Variants in THADA observed in about 807,000 individuals in gnomAD.
THADA encodes tRNA (32-2'-O)-methyltransferase regulator THADA.
A neutral mutation model predicts 219.8 loss-of-function variants in THADA; 213 were observed. The ratio of observed to expected loss-of-function variants is 0.97; its 90% confidence interval spans 0.87 to 1.09. THADA has a LOEUF of 1.09. Ranked by LOEUF, THADA falls within the 50% of genes least tolerant of loss-of-function variation. The pLI is 0.00. For synonymous variants in THADA, 1,018 were observed against 828.9 expected, an observed-to-expected ratio of 1.23 and a Z score of -3.92; for missense variants, 2,956 against 2,311.3, an observed-to-expected ratio of 1.28 and a Z score of -5.72.
At chr2:43,497,344 T>C (rs746183148) in intron 25 of THADA, among the ~76,000 whole-genome samples, 34 of 152,218 alleles carry the variant, frequency 2.2e-4, no homozygotes, top group Non-Finnish European at 4.7e-4. Context: ...CACCATGGAA[T>C]ACTATTCAGC....
Position 43,289,943 on chromosome 2 carries a change from C to T in THADA, c.5010+1753G>A, listed in dbSNP as rs529439463. ...TGCTAGGATTACAGGTGTGAGCTAC[C>T]GTGCCCGGCCCTGGTGTTTTTTTTT... On this transcript the variant is annotated intron_variant, in intron 34 of 37. Coordinates refer to ENST00000405975, the MANE Select transcript of THADA (RefSeq NM_022065.5). 2.4e-3 allele frequency among the ~76,000 whole-genome samples: 355 copies of T among 150,368 alleles called. No individual in the cohort carries two copies. In the Middle Eastern group the frequency reaches 0.025, roughly 11 times the overall value.
intron 26 of THADA, among the ~76,000 whole-genome samples, chr2:43,470,009 G>A (rs2104958132): frequency 6.6e-6 from 1 of 152,120 alleles, no homozygotes; most frequent in East Asian, 1.9e-4. Flanking sequence ...TCAGGAGTTT[G>A]AGGCCAGCAT....
At chr2:43,566,526 C>G (rs1201972895) in intron 15 of THADA, 172 bp downstream of exon 15, 4 of 782,328 alleles carry the variant, frequency 5.1e-6, no homozygotes, top group Non-Finnish European at 9.0e-6. Flanking sequence ...TAGTTTCTTC[C>G]TCTTCTGTCC....
At chr2:43,286,859 A>G (rs531002814) in intron 35 of THADA, 49 bp downstream of exon 35, 1 of 1,580,692 alleles carries the variant, frequency 6.3e-7, no homozygotes, top group South Asian at 1.1e-5. Flanking sequence ...ATATCTATTC[A>G]TATTTTAAGT....
At chr2:43,556,253 C>A in intron 17 of THADA, 92 bp downstream of exon 17, 1 of 1,525,818 alleles carries the variant, frequency 6.6e-7, no homozygotes, top group Non-Finnish European at 8.8e-7. Flanking sequence ...AATAAAAAAC[C>A]ACAAAATATA....
intron 36 of THADA, among the ~76,000 whole-genome samples, chr2:43,261,216 CTTTTTTT>C (rs1181680289): frequency 0.037 from 2,876 of 77,146 alleles, 37 homozygotes; most frequent in African/African-American, 0.081. Flanking sequence ...TTGTGCATTT[CTTTTTTT>C]TTTTTTTTTT....
At chr2:43,293,469 C>G (rs1056748792) in intron 31 of THADA, among the ~76,000 whole-genome samples, 1 of 152,042 alleles carries the variant, frequency 6.6e-6, no homozygotes, top group Non-Finnish European at 1.5e-5. Context: ...CCTGGCACCC[C>G]TCCTCAACAT....
chr2:43,411,366 A>G (rs1676284503), intron 28 of THADA, among the ~76,000 whole-genome samples: 1 of 152,214 alleles, frequency 6.6e-6, no homozygotes, highest in Admixed American at 6.5e-5. Flanking sequence ...CATTTTAAGG[A>G]CACTTGACAG....
At chr2:43,289,129 G>A (rs1010299858) in intron 34 of THADA, among the ~76,000 whole-genome samples, 3 of 152,172 alleles carry the variant, frequency 2.0e-5, no homozygotes, top group South Asian at 2.1e-4. Context: ...CACCCATGCC[G>A]TAGGATGTAT....
intron 11 of THADA, 60 bp downstream of exon 11, chr2:43,574,276 G>A: frequency 8.7e-7 from 1 of 1,144,764 alleles, no homozygotes; most frequent in Non-Finnish European, 1.2e-6. Context: ...TATCTGCATA[G>A]CTACCTACAT....
At chr2:43,586,235 A>G (rs1701013535) in intron 7 of THADA, among the ~76,000 whole-genome samples, 166 bp downstream of exon 7, 1 of 152,206 alleles carries the variant, frequency 6.6e-6, no homozygotes, top group Non-Finnish European at 1.5e-5. Flanking sequence ...ACTGCACTAC[A>G]GCCTGGGTGA....
At chr2:43,413,750 T>C (rs1676597735) in intron 28 of THADA, among the ~76,000 whole-genome samples, 1 of 152,234 alleles carries the variant, frequency 6.6e-6, no homozygotes, top group Non-Finnish European at 1.5e-5. Context: ...AAATGGTCTC[T>C]TCATCTTCTT....
At chr2:43,335,095 C>A (rs142816633) in intron 30 of THADA, among the ~76,000 whole-genome samples, 4 of 152,260 alleles carry the variant, frequency 2.6e-5, no homozygotes, top group Admixed American at 1.3e-4. Context: ...CGTACTCTGT[C>A]CCCTGGGAGC....
At chr2:43,425,683 T>C (rs1287502699) in intron 28 of THADA, among the ~76,000 whole-genome samples, 2 of 152,200 alleles carry the variant, frequency 1.3e-5, no homozygotes, top group Non-Finnish European at 2.9e-5. Flanking sequence ...CACTGTTCTA[T>C]AACACACATG....
chr2:43,454,787 C>G (rs1411455246), intron 26 of THADA, among the ~76,000 whole-genome samples: 1 of 152,150 alleles, frequency 6.6e-6, no homozygotes, highest in African/African-American at 2.4e-5. Context: ...AAAGTACACT[C>G]TATTTTAGCT....
chr2:43,504,230 T>A (rs918568186), intron 24 of THADA, among the ~76,000 whole-genome samples: 3 of 152,190 alleles, frequency 2.0e-5, no homozygotes, highest in African/African-American at 4.8e-5. Flanking sequence ...CATTTTTGAA[T>A]GGTGATTAAC....
At chr2:43,434,521 G>A (rs1679820488) in intron 26 of THADA, among the ~76,000 whole-genome samples, 1 of 152,192 alleles carries the variant, frequency 6.6e-6, no homozygotes, top group Non-Finnish European at 1.5e-5. Context: ...CAAGCGGCTG[G>A]ATGACAAGAG....
chr2:43,488,850 A>G (rs1480229101), intron 25 of THADA, among the ~76,000 whole-genome samples: 1 of 152,082 alleles, frequency 6.6e-6, no homozygotes, highest in Non-Finnish European at 1.5e-5. Flanking sequence ...AATACTAGTT[A>G]TTTTCCATGC....
At chr2:43,398,202 T>C (rs1048282545) in intron 28 of THADA, 63 bp from the exon 29 acceptor site, 2 of 1,540,958 alleles carry the variant, frequency 1.3e-6, no homozygotes, top group Non-Finnish European at 1.8e-6. Flanking sequence ...ACTTTGTATA[T>C]ACTTACATTC....
Sources: allele counts gnomAD v4.1 joint callset (sites outside exome capture counted in the v4.1 genomes callset), GRCh38; gene constraint gnomAD v4.1.1; transcripts MANE v1.5; gene names NCBI Gene and HGNC (gene_info 2026-07-23, HGNC 2026-07-21).